Variants in SMARCA2 observed in about 807,000 individuals in gnomAD.
The protein encoded by SMARCA2 is SWI/SNF related BAF chromatin remodeling complex subunit ATPase 2, also known as SWI/SNF-related matrix-associated actin-dependent regulator of chromatin subfamily A member 2.
SMARCA2 carries 61 observed loss-of-function variants against 199.8 expected under a neutral mutation model. That is an observed-to-expected ratio of 0.31 (90% confidence interval 0.25 to 0.38). The LOEUF is 0.38. Among genes scored for constraint, SMARCA2 ranks in the 10% least tolerant of loss-of-function variants. The pLI, the probability that SMARCA2 is intolerant of heterozygous loss-of-function variation, is 1.00. For synonymous variants in SMARCA2, 935 were observed against 732.0 expected (o/e 1.28, Z -4.48); for missense variants, 1,344 against 2,012.2 (o/e 0.67, Z 6.35).
At chr9:2,186,437 G>A (rs1207033019) in intron 32 of SMARCA2, among the ~76,000 whole-genome samples, 2 of 152,150 alleles carry the variant, frequency 1.3e-5, no homozygotes, top group Non-Finnish European at 2.9e-5. Flanking sequence ...TCATAAAAAT[G>A]ACCTCCAAGC....
chr9:2,018,289 A>G (rs927231058), intron 1 of SMARCA2, among the ~76,000 whole-genome samples: 2 of 152,214 alleles, frequency 1.3e-5, no homozygotes, highest in Non-Finnish European at 2.9e-5. Context: ...CATGGGTGCA[A>G]AGCCTAGACT....
Position 2,062,096 on chromosome 9 carries a change from C to G in SMARCA2, c.1692+1110C>G, listed in dbSNP as rs141311792. Among the ~76,000 whole-genome samples, 734 of 151,918 alleles carry G rather than the reference C, an allele frequency of 4.8e-3. 6 individuals are homozygous for G. Among genetic ancestry groups the G allele is most frequent in the African/African-American group, 0.017 (693 of 41,424 alleles). On this transcript the variant is annotated intron_variant, in intron 9 of 33. Coordinates refer to ENST00000349721, the MANE Select transcript of SMARCA2 (RefSeq NM_003070.5). The stretch of plus-strand genomic sequence containing the variant: ...TTTCAGAGTTAGTGAGGAACATATA[C>G]GTAAGGGGGGAGGGAAGAATGATGG...
intron 18 of SMARCA2, 35 bp from the exon 19 acceptor site, chr9:2,088,465 T>TA (rs746851422): frequency 4.5e-6 from 7 of 1,551,754 alleles, no homozygotes; most frequent in Non-Finnish European, 6.0e-6. Flanking sequence ...TCCTTTTCTT[T>TA]AAAAAATCAA....
At position 2,056,745 on chromosome 9, in the gene SMARCA2, A is replaced by G; in HGVS notation, c.1247A>G (p.Lys416Arg). The stretch of plus-strand genomic sequence containing the variant: ...ACGGCTCTCAACTCCAAAGCATACA[A>G]ACGGAGCAAGCGCCAGACTCTGAGA... Reference protein sequence around the residue: ...LETALNSKAYKRSKRQTLREA... With the variant: ...LETALNSKAYRRSKRQTLREA... The change falls in exon 7 of 34, where the codon AAA becomes AGA. Residue 416 changes from lysine (K) to arginine (R), a missense_variant. By Grantham distance (26) the Lys-to-Arg change is conservative. This residue lies in a region of SMARCA2 where 155 missense variants were observed against 260.0 expected (regional missense o/e 0.60). Coordinates refer to ENST00000349721, the MANE Select transcript of SMARCA2 (RefSeq NM_003070.5). The surrounding 1 kb of genome is among the most constrained non-coding windows in gnomAD (Gnocchi z 4.0). 6.2e-7 allele frequency: 1 copy of G among 1,614,222 alleles called. No individual in the cohort carries two copies. The highest frequency in any genetic ancestry group is 1.3e-5 in the African/African-American group (1 of 75,048).
chr9:2,113,373 G>A (rs953666820), intron 24 of SMARCA2, among the ~76,000 whole-genome samples: 5 of 152,110 alleles, frequency 3.3e-5, no homozygotes, highest in Non-Finnish European at 7.4e-5. Context: ...TTGCTATTAC[G>A]GAATGGTCGA....
intron 27 of SMARCA2, among the ~76,000 whole-genome samples, chr9:2,147,068 A>G: frequency 6.6e-6 from 1 of 152,182 alleles, no homozygotes; most frequent in East Asian, 1.9e-4. Flanking sequence ...ACAGTTCCAT[A>G]CAGGCAGGCT....
intron 23 of SMARCA2, among the ~76,000 whole-genome samples, chr9:2,109,139 T>C (rs2066109): frequency 0.13 from 19,383 of 152,228 alleles, 1,464 homozygotes; most frequent in African/African-American, 0.21. Context: ...TTAAATGTTT[T>C]AATCCTCTGA....
At chr9:2,117,846 C>T (rs1330639866) in intron 25 of SMARCA2, among the ~76,000 whole-genome samples, 5 of 152,130 alleles carry the variant, frequency 3.3e-5, no homozygotes, top group South Asian at 2.1e-4. Flanking sequence ...AAAATGTTGC[C>T]GTTTTCAGGG....
In SMARCA2 at chr9:2,073,314, C is replaced by G; in HGVS notation, c.1849C>G (p.Leu617Val). The change falls in exon 11 of 34, where the codon CTG (leucine) becomes GTG (valine). Residue 617 changes from leucine to valine, a missense_variant. Physicochemically the swap from Leu to Val is conservative, Grantham distance 32 (BLOSUM62 1). Coordinates refer to ENST00000349721, the MANE Select transcript of SMARCA2 (RefSeq NM_003070.5). The part of the protein sequence containing the change: ...FGPEAPKASQ[L>V]DAWLEMNPGY... ...ACCAGAAGCACCCAAAGCAAGTCAG[C>G]TGGACGCCTGGCTGGAAATGAATCC... The G allele has an allele frequency of 6.2e-7, 1 of 1,614,196 alleles. No individual in the cohort carries two copies. The highest frequency in any genetic ancestry group is 8.5e-7 in the Non-Finnish European group (1 of 1,180,034).
chr9:2,019,126 G>A (rs933868621), intron 1 of SMARCA2, among the ~76,000 whole-genome samples: 1 of 150,866 alleles, frequency 6.6e-6, no homozygotes, highest in African/African-American at 2.4e-5. Flanking sequence ...TACTTATTGC[G>A]GTAGACTGAG....
rs772663673 is a variant in SMARCA2, at chr9:2,088,544, A to G, written c.2814A>G (p.Leu938=). ...EEETILIIRR[L]HKVLRPFLLR... ...AAACTATATTGATCATCAGGCGTCTACATAAGGTGTTAAGACCATTTTTAC... is the reference window on the plus strand; with the variant it reads ...AAACTATATTGATCATCAGGCGTCTGCATAAGGTGTTAAGACCATTTTTAC... The change falls in exon 19 of 34, where the codon CTA becomes CTG. Residue 938 remains leucine (L), a synonymous_variant. Transcript: ENST00000349721. 9 of 1,594,910 alleles carry G rather than the reference A, an allele frequency of 5.6e-6. No homozygotes were observed. The highest frequency in any genetic ancestry group is 5.6e-5 in the Admixed American group (3 of 53,900).
chr9:2,069,262 A>T (rs1189493424), intron 9 of SMARCA2, among the ~76,000 whole-genome samples: 1 of 151,888 alleles, frequency 6.6e-6, no homozygotes, highest in Non-Finnish European at 1.5e-5. Flanking sequence ...TTTGAGGCAC[A>T]TAGAAGTTAA....
intron 27 of SMARCA2, among the ~76,000 whole-genome samples, chr9:2,135,124 C>T (rs1433273013): frequency 6.6e-6 from 1 of 152,190 alleles, no homozygotes; most frequent in African/African-American, 2.4e-5. Context: ...GACTGAGAAC[C>T]AGAGCAGGGA....
intron 26 of SMARCA2, among the ~76,000 whole-genome samples, chr9:2,120,371 G>A (rs1355713516): frequency 6.6e-6 from 1 of 152,284 alleles, no homozygotes; most frequent in Non-Finnish European, 1.5e-5. Context: ...TCTATGGGGG[G>A]ACAGAGCTGC....
chr9:2,029,313 C>A, intron 2 of SMARCA2, 66 bp downstream of exon 2: 1 of 1,550,320 alleles, frequency 6.5e-7, no homozygotes, highest in South Asian at 1.2e-5. Flanking sequence ...TTCTGATAAC[C>A]CCATCCCCCT....
chr9:2,145,364 T>G (rs533275655), intron 27 of SMARCA2, among the ~76,000 whole-genome samples: 178 of 149,564 alleles, frequency 1.2e-3, no homozygotes, highest in Middle Eastern at 3.6e-3. Context: ...AAAGGAGAGA[T>G]ATTTTAAGTA....
chr9:2,045,794 TAGA>T (rs1819812443), intron 4 of SMARCA2: 1 of 150,226 alleles, frequency 6.7e-6, no homozygotes, highest in South Asian at 2.1e-4. Flanking sequence ...TACCTAATTT[TAGA>T]AGGAGGGGAA....
At chr9:2,041,664 T>G (rs1212817768) in intron 4 of SMARCA2, 4 of 347,216 alleles carry the variant, frequency 1.2e-5, no homozygotes, top group Non-Finnish European at 2.1e-5. Context: ...CTCCAGAATT[T>G]CTGTGTGGCT....
intron 4 of SMARCA2, chr9:2,040,828 T>G (rs753322013): frequency 1.3e-5 from 2 of 152,310 alleles, no homozygotes; most frequent in African/African-American, 4.8e-5. Flanking sequence ...TCTGTCTTGA[T>G]CCCATTGATA....
Sources: gnomAD v4.1 joint callset for allele counts (sites outside exome capture counted in the v4.1 genomes callset) on GRCh38, gnomAD v4.1.1 for gene constraint, gnomAD v4.1.1 regional missense constraint, Gnocchi (gnomAD v3.1) non-coding constraint, MANE v1.5 for transcripts, NCBI Gene and HGNC (gene_info 2026-07-23, HGNC 2026-07-21) for gene names.